Variants in DLG2 observed in about 807,000 individuals in gnomAD.
DLG2 encodes the protein discs large MAGUK scaffold protein 2, also known as disks large homolog 2.
DLG2 carries 45 observed loss-of-function variants against 132.5 expected under a neutral mutation model. The observed-to-expected ratio is 0.34, with a 90% confidence interval of 0.27 to 0.44. The LOEUF is 0.44. DLG2 is among the 20% of genes least tolerant of loss of function. The pLI, the probability that DLG2 is intolerant of heterozygous loss-of-function variation, is 1.00. For synonymous variants in DLG2, 424 were observed against 419.6 expected (o/e 1.01, Z -0.13); for missense variants, 1,045 against 1,196.9 (o/e 0.87, Z 1.87).
At chr11:83,647,357 G>A (rs983589) in intron 18 of DLG2, 51,105 of 151,870 alleles carry the variant, frequency 0.34, 11,678 homozygotes, top group African/African-American at 0.66. Flanking sequence ...CCCCACCATC[G>A]TCCATGTCTG....
Position 84,580,436 on chromosome 11 carries a change from C to T in DLG2, c.358-45705G>A, listed in dbSNP as rs191652926. Among the ~76,000 whole-genome samples, 17 of 152,280 alleles carry T rather than the reference C, an allele frequency of 1.1e-4. 1 individual carries two copies. The highest frequency in any genetic ancestry group is 5.2e-4 in the Admixed American group (8 of 15,298). On this transcript the variant is annotated intron_variant, in intron 6 of 27. Coordinates refer to ENST00000376104, the MANE Select transcript of DLG2 (RefSeq NM_001142699.3). ...ACACACACTACATTAACTCTTGAGA[C>T]GTGTGTTTGCCCTCCTCTGTCTTTG...
Position 84,081,686 on chromosome 11 carries a change from T to C in DLG2, c.749+17237A>G, listed in dbSNP as rs541950693. 5.3e-5 allele frequency among the ~76,000 whole-genome samples: 8 copies of C among 152,360 alleles called. No individual in the cohort carries two copies. In the South Asian group the frequency reaches 1.7e-3, roughly 32 times the overall value. ...TAGCTGCATAGTATTCCATGGTGTG[T>C]ATTTGCCACATTTTCTTAATCCAGT... On this transcript the variant is annotated intron_variant, in intron 10 of 27. Coordinates refer to ENST00000376104, the MANE Select transcript of DLG2 (RefSeq NM_001142699.3).
In DLG2 at chr11:84,008,183, T is replaced by A. The variant is rs137911874; in HGVS notation, c.920-27541A>T. ...TTCATTTATCCTCATAATTGGTTAATCCCATGAAATAAAATGAGACAAATT... is the reference window on the plus strand; with the variant it reads ...TTCATTTATCCTCATAATTGGTTAAACCCATGAAATAAAATGAGACAAATT... On this transcript the variant is annotated intron_variant, in intron 11 of 27. Coordinates refer to ENST00000376104, the MANE Select transcript of DLG2 (RefSeq NM_001142699.3). 1.0e-3 allele frequency among the ~76,000 whole-genome samples: 154 copies of A among 151,918 alleles called. 4 individuals carry two copies. The East Asian group carries it at 0.023, about 23-fold the overall frequency.
intron 8 of DLG2, among the ~76,000 whole-genome samples, chr11:84,190,605 C>A (rs1431573041): frequency 6.6e-6 from 1 of 152,166 alleles, no homozygotes; most frequent in East Asian, 1.9e-4. Flanking sequence ...GTTTTGAGAA[C>A]ATGAAAATTC....
chr11:83,791,476 C>T (rs866788677), intron 17 of DLG2: 10 of 700,294 alleles, frequency 1.4e-5, no homozygotes, highest in Middle Eastern at 5.0e-4. Flanking sequence ...TTTCCAAAGT[C>T]ACTGGCTAGC....
At chr11:83,481,385 G>A (rs1377782854) in intron 22 of DLG2, among the ~76,000 whole-genome samples, 1 of 145,064 alleles carries the variant, frequency 6.9e-6, no homozygotes, top group Non-Finnish European at 1.5e-5. Context: ...ATTAAATGAA[G>A]AACATGTGAC....
intron 6 of DLG2, among the ~76,000 whole-genome samples, chr11:84,785,634 C>G (rs1352629953): frequency 6.6e-6 from 1 of 152,034 alleles, no homozygotes; most frequent in Admixed American, 6.6e-5. Flanking sequence ...ATGTTTTATT[C>G]TTCCTATTGA....
At chr11:83,936,999 T>C (rs2081580797) in intron 14 of DLG2, among the ~76,000 whole-genome samples, 2 of 152,196 alleles carry the variant, frequency 1.3e-5, no homozygotes, top group African/African-American at 2.4e-5. Flanking sequence ...GAAGGTTCAA[T>C]ATGTCCTATA....
intron 6 of DLG2, among the ~76,000 whole-genome samples, chr11:84,678,336 T>C (rs1457945666): frequency 2.0e-5 from 3 of 152,134 alleles, no homozygotes; most frequent in Non-Finnish European, 4.4e-5. Flanking sequence ...GCAGTCCATC[T>C]GTTTTCAGTC....
At chr11:85,168,421 A>G (rs991205858) in intron 4 of DLG2, among the ~76,000 whole-genome samples, 1 of 152,166 alleles carries the variant, frequency 6.6e-6, no homozygotes, top group African/African-American at 2.4e-5. Flanking sequence ...TTGAAGTATT[A>G]TAACAGAATG....
intron 6 of DLG2, among the ~76,000 whole-genome samples, chr11:84,631,542 G>T (rs2099632184): frequency 6.6e-6 from 1 of 152,072 alleles, no homozygotes; most frequent in Admixed American, 6.6e-5. Context: ...TAGAGATGTT[G>T]CAGTGATCAA....
chr11:84,236,255 AC>A (rs909423719), intron 8 of DLG2, among the ~76,000 whole-genome samples: 4 of 152,228 alleles, frequency 2.6e-5, no homozygotes, highest in African/African-American at 9.6e-5. Context: ...AGTTAAATAA[AC>A]TTTTGGCCAT....
chr11:85,486,389 C>T (rs2093429922), intron 3 of DLG2, among the ~76,000 whole-genome samples: 1 of 152,194 alleles, frequency 6.6e-6, no homozygotes, highest in African/African-American at 2.4e-5. Flanking sequence ...AACATTCCAC[C>T]AGTACACTGG....
At position 85,526,216 on chromosome 11, in the gene DLG2, T is replaced by C. The variant is rs200080142; in HGVS notation, c.40+72441A>G. ...TAAAACAGATTTCATGTAACTGAAG[T>C]ATCATGAAGAAAACTATACAGAGCA... On this transcript the variant is annotated intron_variant, in intron 3 of 27. Coordinates refer to ENST00000376104, the MANE Select transcript of DLG2 (RefSeq NM_001142699.3). Among the ~76,000 whole-genome samples, 6 of 152,140 alleles carry C rather than the reference T, an allele frequency of 3.9e-5. No homozygotes were observed. In the East Asian group the frequency reaches 1.2e-3, roughly 29 times the overall value.
At chr11:84,767,651 A>G (rs1045388931) in intron 6 of DLG2, among the ~76,000 whole-genome samples, 2 of 151,972 alleles carry the variant, frequency 1.3e-5, no homozygotes, top group Non-Finnish European at 2.9e-5. Context: ...GCTATGTGAT[A>G]GGATGATTGA....
At chr11:85,188,576 ATATAT>A (rs761651740) in intron 4 of DLG2, among the ~76,000 whole-genome samples, 89 of 152,342 alleles carry the variant, frequency 5.8e-4, no homozygotes, top group Admixed American at 8.5e-4. Flanking sequence ...AATATTACAA[ATATAT>A]TATAAGAATT....
chr11:84,336,931 C>T (rs1422676429), intron 7 of DLG2, among the ~76,000 whole-genome samples: 1 of 152,222 alleles, frequency 6.6e-6, no homozygotes, highest in Non-Finnish European at 1.5e-5. Context: ...TTCTCTCCCT[C>T]TTCCCTCACT....
chr11:85,152,562 T>C (rs2077327815), intron 5 of DLG2, among the ~76,000 whole-genome samples: 1 of 152,150 alleles, frequency 6.6e-6, no homozygotes, highest in South Asian at 2.1e-4. Context: ...CCTCCCAAAG[T>C]GCATGGGCTA....
chr11:85,154,450 T>C (rs1203363563), intron 5 of DLG2, 106 bp downstream of exon 5: 5 of 597,876 alleles, frequency 8.4e-6, no homozygotes, highest in African/African-American at 1.9e-5. Flanking sequence ...GAAATTAGGT[T>C]ACACATTTTC....
Sources: gnomAD v4.1 joint callset for allele counts (sites outside exome capture counted in the v4.1 genomes callset) on GRCh38, gnomAD v4.1.1 for gene constraint, MANE v1.5 for transcripts, NCBI Gene and HGNC (gene_info 2026-07-23, HGNC 2026-07-21) for gene names.